Variants in HEMK2 observed in about 807,000 individuals in gnomAD.
HEMK2 encodes the protein HemK methyltransferase 2, ETF1 glutamine and histone H4 lysine.
At chr21:28,740,475 C>T in the HEMK2 span, among the ~76,000 whole-genome samples, 3 of 152,224 alleles carry the variant, frequency 2.0e-5, no homozygotes, top group African/African-American at 7.2e-5. Flanking sequence ...GCTATCATAG[C>T]TTCCATATGG....
chr21:28,671,977 A>G, the HEMK2 span, among the ~76,000 whole-genome samples: 2 of 152,154 alleles, frequency 1.3e-5, no homozygotes, highest in Non-Finnish European at 2.9e-5. Context: ...TATTCACTCT[A>G]CAGTGGAGCA....
the HEMK2 span, among the ~76,000 whole-genome samples, chr21:28,850,898 G>C: frequency 1.3e-5 from 2 of 152,170 alleles, no homozygotes; most frequent in Admixed American, 6.5e-5. Context: ...GGAAGAGAAG[G>C]GGAGAGAAGG....
At chr21:28,761,599 CTT>C in the HEMK2 span, among the ~76,000 whole-genome samples, 2 of 141,160 alleles carry the variant, frequency 1.4e-5, no homozygotes, top group Non-Finnish European at 1.6e-5. Context: ...CTCTACAAAG[CTT>C]TTTTTTTTTT....
At chr21:28,628,022 T>C in the HEMK2 span, among the ~76,000 whole-genome samples, 1 of 152,136 alleles carries the variant, frequency 6.6e-6, no homozygotes, top group Non-Finnish European at 1.5e-5. Flanking sequence ...TGAGCCCCTA[T>C]GCTCTGCCCA....
the HEMK2 span, among the ~76,000 whole-genome samples, chr21:28,841,426 A>ATATATATAAAATATTATATAT: frequency 2.1e-5 from 1 of 47,126 alleles, no homozygotes; most frequent in African/African-American, 1.1e-4. Context: ...TATATATATA[A>ATATATATAAAATATTATATAT]AATATATATA....
the HEMK2 span, among the ~76,000 whole-genome samples, chr21:28,800,664 G>A: frequency 2.0e-5 from 3 of 152,020 alleles, no homozygotes; most frequent in Non-Finnish European, 4.4e-5. Context: ...ATGTAGTGGA[G>A]GATTGTGAGA....
the HEMK2 span, among the ~76,000 whole-genome samples, chr21:28,683,848 G>A: frequency 1.3e-5 from 2 of 152,148 alleles, no homozygotes; most frequent in African/African-American, 4.8e-5. Flanking sequence ...ATTGCACACA[G>A]ACAGCCCCTA....
At chr21:28,825,943 T>A in the HEMK2 span, among the ~76,000 whole-genome samples, 1 of 152,124 alleles carries the variant, frequency 6.6e-6, no homozygotes, top group Non-Finnish European at 1.5e-5. Context: ...AAAGCACACA[T>A]GAGAAGAGGA....
the HEMK2 span, among the ~76,000 whole-genome samples, chr21:28,748,979 G>T: frequency 6.6e-6 from 1 of 152,168 alleles, no homozygotes; most frequent in African/African-American, 2.4e-5. Context: ...ATACTTTTAA[G>T]ATCTGGGTTT....
chr21:28,877,301 A>AAGGAAGGAAGGAAGGAAGGAAGG, the HEMK2 span, among the ~76,000 whole-genome samples: 491 of 55,144 alleles, frequency 8.9e-3, 14 homozygotes, highest in Non-Finnish European at 9.0e-3. Flanking sequence ...AGGAAGGAAG[A>AAGGAAGGAAGGAAGGAAGGAAGG]GAGAGAGAAA....
chr21:28,801,948 T>A, the HEMK2 span, among the ~76,000 whole-genome samples: 1 of 152,184 alleles, frequency 6.6e-6, no homozygotes, highest in African/African-American at 2.4e-5. Flanking sequence ...AATTAACTTA[T>A]CTTTGGCGGC....
the HEMK2 span, among the ~76,000 whole-genome samples, chr21:28,589,588 T>C: frequency 6.6e-6 from 1 of 152,054 alleles, no homozygotes; most frequent in East Asian, 1.9e-4. Context: ...TAAAGGACAG[T>C]GGACAGTGGG....
the HEMK2 span, among the ~76,000 whole-genome samples, chr21:28,863,410 TTATATATATATA>T: frequency 7.0e-3 from 274 of 38,892 alleles, 4 homozygotes; most frequent in East Asian, 1.0e-2. Flanking sequence ...AAACTCCCTT[TTATATATATATA>T]TATATATATA....
the HEMK2 span, among the ~76,000 whole-genome samples, chr21:28,776,107 G>A: frequency 1.3e-5 from 2 of 152,178 alleles, no homozygotes; most frequent in Admixed American, 1.3e-4. Flanking sequence ...TCAAGGAATG[G>A]GGAGAAAAGT....
chr21:28,690,894 T>G, the HEMK2 span, among the ~76,000 whole-genome samples: 3 of 152,174 alleles, frequency 2.0e-5, no homozygotes, highest in African/African-American at 4.8e-5. Context: ...CCTGTAGAGC[T>G]TCTCTCGGTC....
chr21:28,663,825 T>A, the HEMK2 span, among the ~76,000 whole-genome samples: 1 of 152,204 alleles, frequency 6.6e-6, no homozygotes, highest in Non-Finnish European at 1.5e-5. Flanking sequence ...ATGAAACATA[T>A]AATCATTATT....
the HEMK2 span, chr21:28,879,935 T>C: frequency 8.1e-6 from 13 of 1,602,934 alleles, no homozygotes; most frequent in African/African-American, 2.7e-5. Flanking sequence ...TCGGTCAATC[T>C]TGGTAGCAAG....
chr21:28,832,400 A>G, the HEMK2 span, among the ~76,000 whole-genome samples: 1 of 152,200 alleles, frequency 6.6e-6, no homozygotes, highest in African/African-American at 2.4e-5. Context: ...CCTCTCCAAG[A>G]GTCTCCATTA....
chr21:28,803,246 T>A, the HEMK2 span, among the ~76,000 whole-genome samples: 1 of 152,230 alleles, frequency 6.6e-6, no homozygotes, highest in Non-Finnish European at 1.5e-5. Flanking sequence ...GCAATTAACC[T>A]GAATATATAC....
Sources: allele counts gnomAD v4.1 joint callset (sites outside exome capture counted in the v4.1 genomes callset), GRCh38; gene constraint gnomAD v4.1.1; transcripts MANE v1.5; gene names NCBI Gene and HGNC (gene_info 2026-07-23, HGNC 2026-07-21).